Variants in SGMS2 observed in about 807,000 individuals in gnomAD.
SGMS2 encodes the protein sphingomyelin synthase 2, also known as phosphatidylcholine:ceramide cholinephosphotransferase 2.
SGMS2 carries 21 observed loss-of-function variants against 43.8 expected under a neutral mutation model. The observed-to-expected ratio is 0.48, with a 90% CI of 0.34 to 0.69. The LOEUF (loss-of-function observed/expected upper bound fraction) is 0.69, where lower values mean the gene tolerates loss of function less well. SGMS2 is among the 30% of genes least tolerant of loss of function. The pLI, the probability that SGMS2 is intolerant of heterozygous loss-of-function variation, is 0.01. For missense variants in SGMS2, 384 were observed against 443.2 expected (o/e 0.87, Z 1.20); for synonymous variants, 167 against 160.6 (o/e 1.04, Z -0.30).
intron 3 of SGMS2, among the ~76,000 whole-genome samples, chr4:107,899,186 A>G (rs1220127392): frequency 6.6e-6 from 1 of 152,162 alleles, no homozygotes; most frequent in Non-Finnish European, 1.5e-5. Flanking sequence ...TATGTTCTCA[A>G]GAAAGGGTTT....
At chr4:107,844,083 G>T (rs1296647675) in intron 1 of SGMS2, among the ~76,000 whole-genome samples, 1 of 152,130 alleles carries the variant, frequency 6.6e-6, no homozygotes. Context: ...AGCACTTTGG[G>T]AGGCCAAGAC....
intron 1 of SGMS2, among the ~76,000 whole-genome samples, chr4:107,857,512 A>G (rs1727488966): frequency 6.8e-6 from 1 of 147,258 alleles, no homozygotes; most frequent in South Asian, 2.1e-4. Flanking sequence ...TTTTAATGAA[A>G]TTTGTTAGGT....
At chr4:107,839,378 GT>G (rs1159422745) in intron 1 of SGMS2, among the ~76,000 whole-genome samples, 34 of 138,228 alleles carry the variant, frequency 2.5e-4, no homozygotes, top group South Asian at 1.3e-3. Context: ...TGTGGAAGTG[GT>G]TTTTTTTTTC....
intron 2 of SGMS2, among the ~76,000 whole-genome samples, chr4:107,861,964 G>T (rs960923244): frequency 6.6e-6 from 1 of 152,152 alleles, no homozygotes; most frequent in African/African-American, 2.4e-5. Flanking sequence ...CTAAGATTAG[G>T]AGTAACATTT....
At chr4:107,894,830 A>G (rs1730527845) in intron 2 of SGMS2, among the ~76,000 whole-genome samples, 2 of 127,626 alleles carry the variant, frequency 1.6e-5, no homozygotes, top group Admixed American at 8.8e-5. Flanking sequence ...ATTAGAAAAT[A>G]GAAAATTGAC....
rs1036710212 is a variant in SGMS2, at chr4:107,913,788, T to C, written c.*3235T>C. 8 of 152,184 alleles carry C rather than the reference T, an allele frequency of 5.3e-5. No homozygotes were observed. Among genetic ancestry groups the C allele is most frequent in the African/African-American group, 1.9e-4 (8 of 41,466 alleles). 9.4% of individuals were successfully genotyped at this position (152,184 alleles called of 1,614,324 possible). ...ATAACGACCTATGTTTTGTTTACTT[T>C]GAAACACCAAATTTGTTGTCTTGGT... On this transcript the variant is annotated 3_prime_UTR_variant, in exon 7 of 7. Coordinates refer to ENST00000690982, the MANE Select transcript of SGMS2 (RefSeq NM_001375905.1).
intron 2 of SGMS2, among the ~76,000 whole-genome samples, chr4:107,868,528 C>A (rs148244375): frequency 0.018 from 2,699 of 152,168 alleles, 83 homozygotes; most frequent in African/African-American, 0.06. Flanking sequence ...ATCAGCCTGG[C>A]CAACATGGGT....
At chr4:107,850,974 C>T (rs1258601171) in intron 1 of SGMS2, among the ~76,000 whole-genome samples, 1 of 152,148 alleles carries the variant, frequency 6.6e-6, no homozygotes, top group Non-Finnish European at 1.5e-5. Context: ...TACTTTAATA[C>T]TCTCTTTCAT....
At chr4:107,908,978 G>GA (rs1731856339) in intron 6 of SGMS2, among the ~76,000 whole-genome samples, 1 of 152,136 alleles carries the variant, frequency 6.6e-6, no homozygotes, top group Admixed American at 6.5e-5. Context: ...AAACTAGAAT[G>GA]AAAAAATATA....
At chr4:107,902,851 T>C (rs914566584) in intron 4 of SGMS2, among the ~76,000 whole-genome samples, 1 of 152,184 alleles carries the variant, frequency 6.6e-6, no homozygotes, top group African/African-American at 2.4e-5. Flanking sequence ...ATTGGTAATG[T>C]GGTATGCAGC....
At chr4:107,843,392 T>C (rs994730412) in intron 1 of SGMS2, among the ~76,000 whole-genome samples, 2 of 152,202 alleles carry the variant, frequency 1.3e-5, no homozygotes, top group African/African-American at 4.8e-5. Context: ...TAACAAATTA[T>C]TAAATGTTTA....
rs1262864031 is a variant in SGMS2 at position 107,872,383 on chromosome 4, T to C, written c.-245+13830T>C. ...TGCTTTGTCTTCGTAGCAGTTTTAA[T>C]CTTTCATTATTATTGTCTTACATTA... On this transcript the variant is annotated intron_variant, in intron 2 of 6. Transcript: ENST00000690982. 5.3e-5 allele frequency among the ~76,000 whole-genome samples: 8 copies of C among 152,218 alleles called. No individual in the cohort carries two copies. The South Asian group carries it at 1.7e-3, about 32-fold the overall frequency.
chr4:107,848,439 A>C (rs1726952772), intron 1 of SGMS2, among the ~76,000 whole-genome samples: 1 of 152,138 alleles, frequency 6.6e-6, no homozygotes, highest in African/African-American at 2.4e-5. Context: ...TACCAAGGAG[A>C]ACTATTGCCT....
intron 6 of SGMS2, among the ~76,000 whole-genome samples, 188 bp downstream of exon 6, chr4:107,908,919 A>C (rs1468679017): frequency 6.6e-6 from 1 of 152,194 alleles, no homozygotes; most frequent in Non-Finnish European, 1.5e-5. Context: ...TTATGGATAA[A>C]AATGCCATAA....
At chr4:107,827,380 C>G (rs757595230) in intron 1 of SGMS2, among the ~76,000 whole-genome samples, 1 of 152,144 alleles carries the variant, frequency 6.6e-6, no homozygotes, top group Non-Finnish European at 1.5e-5. Flanking sequence ...CAGTAGAGAC[C>G]TCAGGCTGTG....
chr4:107,834,708 A>G (rs1183744434), intron 1 of SGMS2, among the ~76,000 whole-genome samples: 1 of 152,220 alleles, frequency 6.6e-6, no homozygotes. Flanking sequence ...TAGAGTAGAC[A>G]ATATCTCAGA....
At chr4:107,853,402 T>C (rs567798230) in intron 1 of SGMS2, among the ~76,000 whole-genome samples, 1 of 152,316 alleles carries the variant, frequency 6.6e-6, no homozygotes, top group South Asian at 2.1e-4. Context: ...AAACTTTCAC[T>C]CTGAAAGTAC....
At chr4:107,899,745 C>CACTT (rs1730964573) in intron 4 of SGMS2, 53 bp downstream of exon 4, 10 of 1,220,842 alleles carry the variant, frequency 8.2e-6, no homozygotes, top group South Asian at 1.3e-5. Flanking sequence ...AGTTATTGAT[C>CACTT]ACTTACCCTG....
At chr4:107,862,898 A>G (rs1223361886) in intron 2 of SGMS2, among the ~76,000 whole-genome samples, 5 of 152,194 alleles carry the variant, frequency 3.3e-5, no homozygotes, top group Non-Finnish European at 7.3e-5. Flanking sequence ...TTTCCAGGAA[A>G]TGCCGCCTCT....
Sources: allele counts gnomAD v4.1 joint callset (sites outside exome capture counted in the v4.1 genomes callset), GRCh38; gene constraint gnomAD v4.1.1; transcripts MANE v1.5; gene names NCBI Gene and HGNC (gene_info 2026-07-23, HGNC 2026-07-21).